Variants in TMEM132C observed in about 807,000 individuals in gnomAD.
The protein encoded by TMEM132C is transmembrane protein 132C.
TMEM132C carries 29 observed loss-of-function variants against 61.4 expected under a neutral mutation model. The observed-to-expected ratio is 0.47, with a 90% CI of 0.35 to 0.64. The LOEUF (loss-of-function observed/expected upper bound fraction) is 0.64, where lower values mean the gene tolerates loss of function less well. Among genes scored for constraint, TMEM132C ranks in the 30% least tolerant of loss-of-function variants. The pLI, the probability that TMEM132C is intolerant of heterozygous loss-of-function variation, is 0.00. For missense variants in TMEM132C, 1,408 were observed against 1,476.9 expected (o/e 0.95, Z 0.76); for synonymous variants, 656 against 633.1 (o/e 1.04, Z -0.54).
At chr12:128,691,960 C>A (rs1171047831) in intron 5 of TMEM132C, among the ~76,000 whole-genome samples, 2 of 147,202 alleles carry the variant, frequency 1.4e-5, no homozygotes, top group Non-Finnish European at 3.0e-5. Flanking sequence ...TGTCCACTAC[C>A]CATTCACCTG....
At position 128,415,306 on chromosome 12, in the gene TMEM132C, G is replaced by C; in HGVS notation, c.660G>C (p.Gln220His). 2 of 1,594,532 alleles carry C rather than the reference G, an allele frequency of 1.3e-6. No individual in the cohort carries two copies. Among genetic ancestry groups the C allele is most frequent in the Non-Finnish European group, 1.7e-6 (2 of 1,170,064 alleles). Residue 220 changes from glutamine to histidine, a missense_variant, in exon 2 of 9, where the codon CAG (glutamine) becomes CAC (histidine). Transcript: ENST00000435159. The surrounding 1 kb of genome is among the most constrained non-coding windows in gnomAD (Gnocchi z 5.8). Reference protein sequence around the residue: ...VGAGRKKSMDQPEGTPVELYY... With the variant: ...VGAGRKKSMDHPEGTPVELYY... ...CCGGGAGGAAGAAGTCCATGGACCA[G>C]CCGGAGGGGACCCCTGTGGAGCTCT...
chr12:128,321,150 TA>T (rs1397518459), intron 1 of TMEM132C, among the ~76,000 whole-genome samples: 5 of 145,854 alleles, frequency 3.4e-5, no homozygotes, highest in Admixed American at 6.9e-5. Context: ...ATAATAATAA[TA>T]ATAATAATAA....
chr12:128,463,637 T>C (rs1027783052), intron 2 of TMEM132C, among the ~76,000 whole-genome samples: 7 of 151,982 alleles, frequency 4.6e-5, no homozygotes, highest in Admixed American at 1.3e-4. Flanking sequence ...CGTTTTCTTA[T>C]TGAAGCATGT....
intron 3 of TMEM132C, among the ~76,000 whole-genome samples, chr12:128,580,313 C>T (rs1875284335): frequency 1.3e-5 from 2 of 151,898 alleles, no homozygotes; most frequent in South Asian, 2.1e-4. Flanking sequence ...CCCAGCTACT[C>T]GGGAAGCTGA....
At chr12:128,474,069 T>C (rs186666896) in intron 2 of TMEM132C, among the ~76,000 whole-genome samples, 1 of 152,270 alleles carries the variant, frequency 6.6e-6, no homozygotes, top group Non-Finnish European at 1.5e-5. Flanking sequence ...AATCATCCTG[T>C]TGTAAAATTT....
chr12:128,487,322 T>G lies in TMEM132C; in HGVS notation c.975-56635T>G, dbSNP rs75480141. Among the ~76,000 whole-genome samples, 1,131 of 152,232 alleles carry G rather than the reference T, an allele frequency of 7.4e-3. 14 individuals carry two copies. The highest frequency in any genetic ancestry group is 0.026 in the African/African-American group (1,078 of 41,522). ...TGCTCACCCTCTTCCCCGACCAACT[T>G]CACTATGTTGTTCTAGCCCTGAAAT... On this transcript the variant is annotated intron_variant, in intron 2 of 8. Transcript: ENST00000435159.
intron 2 of TMEM132C, among the ~76,000 whole-genome samples, chr12:128,447,485 G>C (rs1870021570): frequency 6.6e-6 from 1 of 152,178 alleles, no homozygotes; most frequent in African/African-American, 2.4e-5. Flanking sequence ...AAGGCATACA[G>C]AGGTTTTCTG....
intron 2 of TMEM132C, among the ~76,000 whole-genome samples, chr12:128,449,539 G>A (rs887944727): frequency 6.6e-6 from 1 of 152,166 alleles, no homozygotes; most frequent in Non-Finnish European, 1.5e-5. Flanking sequence ...TCTCCATTTG[G>A]ACTGAAGCCA....
At chr12:128,562,268 T>A (rs1874549384) in intron 3 of TMEM132C, among the ~76,000 whole-genome samples, 2 of 152,200 alleles carry the variant, frequency 1.3e-5, no homozygotes, top group African/African-American at 4.8e-5. Flanking sequence ...TTAAAAGCGG[T>A]ACGAAAAGAG....
intron 5 of TMEM132C, among the ~76,000 whole-genome samples, chr12:128,683,556 A>G (rs1185332520): frequency 6.6e-6 from 1 of 152,218 alleles, no homozygotes; most frequent in Admixed American, 6.5e-5. Flanking sequence ...ACCTTGGACC[A>G]GTTATTTGAT....
At chr12:128,451,487 G>T (rs368903635) in intron 2 of TMEM132C, among the ~76,000 whole-genome samples, 3 of 152,144 alleles carry the variant, frequency 2.0e-5, no homozygotes, top group Non-Finnish European at 4.4e-5. Context: ...TGCATATTTT[G>T]TGAGGTTCAT....
Position 128,414,863 on chromosome 12 carries a change from C to T in TMEM132C, c.217C>T (p.Arg73Trp), listed in dbSNP as rs373303227. The T allele has an allele frequency of 4.8e-5, 74 of 1,550,880 alleles. No individual in the cohort carries two copies. The highest frequency in any genetic ancestry group is 2.9e-4 in the East Asian group (12 of 40,940). ...FLKEANQDLL[R>W]NSSLQARVES... ...CAAGGAAGCCAACCAGGACCTGCTG[C>T]GGAACTCCAGCCTGCAGGCGAGGGT... The change falls in exon 2 of 9, where the codon CGG (arginine) becomes TGG (tryptophan). Residue 73 changes from arginine to tryptophan, a missense_variant. Physicochemically the swap from Arg to Trp is moderately radical, Grantham distance 101 (BLOSUM62 -3). Transcript: ENST00000435159.
intron 1 of TMEM132C, among the ~76,000 whole-genome samples, chr12:128,397,396 A>T (rs561376905): frequency 6.6e-6 from 1 of 152,316 alleles, no homozygotes; most frequent in South Asian, 2.1e-4. Context: ...AGGAAGGTGC[A>T]TCTTTCTGGA....
chr12:128,461,538 T>C (rs750867992), intron 2 of TMEM132C, among the ~76,000 whole-genome samples: 35 of 152,018 alleles, frequency 2.3e-4, no homozygotes, highest in Non-Finnish European at 4.0e-4. Context: ...GTTTTTATTG[T>C]TCCTCATTTC....
intron 1 of TMEM132C, among the ~76,000 whole-genome samples, chr12:128,411,586 T>C (rs1868552630): frequency 6.6e-6 from 1 of 152,192 alleles, no homozygotes; most frequent in Non-Finnish European, 1.5e-5. Flanking sequence ...CACAATAAGA[T>C]AGGTGTTCCA....
intron 2 of TMEM132C, among the ~76,000 whole-genome samples, chr12:128,502,237 C>T (rs1308437788): frequency 6.6e-6 from 1 of 152,106 alleles, no homozygotes; most frequent in African/African-American, 2.4e-5. Flanking sequence ...CTTGCAGCCC[C>T]AAGGGAGAGA....
intron 3 of TMEM132C, among the ~76,000 whole-genome samples, chr12:128,560,949 G>C (rs1874491103): frequency 1.3e-5 from 2 of 152,224 alleles, no homozygotes; most frequent in Non-Finnish European, 2.9e-5. Context: ...ACAGATAAAG[G>C]AAGAGGCTCA....
rs573354386 is a variant in TMEM132C at position 128,345,275 on chromosome 12, A to G, written c.86-69457A>G. Among the ~76,000 whole-genome samples, 20 of 152,270 alleles carry G rather than the reference A, an allele frequency of 1.3e-4. No homozygotes were observed. In the South Asian group the frequency reaches 2.5e-3, roughly 19 times the overall value. ...GGCTGCGTAGTATTCCATGGTGTAT[A>G]TGTACCACATTTTCTTTATCCAGTC... On this transcript the variant is annotated intron_variant, in intron 1 of 8. Coordinates refer to ENST00000435159, the MANE Select transcript of TMEM132C (RefSeq NM_001136103.3).
At chr12:128,446,807 T>C (rs1367922318) in intron 2 of TMEM132C, among the ~76,000 whole-genome samples, 1 of 152,182 alleles carries the variant, frequency 6.6e-6, no homozygotes. Context: ...AATAATGCCA[T>C]CATACTTTGC....
Sources: allele counts gnomAD v4.1 joint callset (sites outside exome capture counted in the v4.1 genomes callset), GRCh38; gene constraint gnomAD v4.1.1; non-coding constraint Gnocchi (gnomAD v3.1); transcripts MANE v1.5; gene names NCBI Gene and HGNC (gene_info 2026-07-23, HGNC 2026-07-21).